Variants in PRICKLE1 observed in about 807,000 individuals in gnomAD.
The protein encoded by PRICKLE1 is prickle-like protein 1.
Under a neutral mutation model 70.2 loss-of-function variants are expected in PRICKLE1, and 14 were observed. The observed-to-expected ratio is 0.20, with a 90% CI of 0.13 to 0.31. The LOEUF (loss-of-function observed/expected upper bound fraction) is 0.31. Ranked by LOEUF, PRICKLE1 falls within the 10% of genes least tolerant of loss-of-function variation. PRICKLE1 has a pLI of 1.00. For missense variants in PRICKLE1, 821 were observed against 1,026.2 expected (o/e 0.80, Z 2.73); for synonymous variants, 357 against 379.9 (o/e 0.94, Z 0.70).
chr12:42,514,096 A>G (rs551896904), intron 1 of PRICKLE1, among the ~76,000 whole-genome samples: 1 of 152,350 alleles, frequency 6.6e-6, no homozygotes, highest in South Asian at 2.1e-4. Context: ...AATAGCCCCA[A>G]GACTATAACC....
chr12:42,475,364 C>T (rs1360304955), intron 1 of PRICKLE1, among the ~76,000 whole-genome samples: 2 of 152,178 alleles, frequency 1.3e-5, no homozygotes, highest in South Asian at 2.1e-4. Context: ...CATCAAGCAA[C>T]CCACGGTAAG....
rs539350659 is a variant in PRICKLE1, at chr12:42,544,247, T to A, written c.-49+45218A>T. Among the ~76,000 whole-genome samples the A allele has an allele frequency of 4.9e-4, 74 of 152,374 alleles. No homozygotes were observed. In the South Asian group the frequency reaches 0.014, roughly 29 times the overall value. ...ACGAGTGATCACTTGATTATGTTGG[T>A]CAGCACCAGATTTTTCCATTAGGAA... is the stretch of plus-strand genomic sequence containing the variant. On this transcript the variant is annotated intron_variant, in intron 1 of 7. Coordinates refer to ENST00000345127, the MANE Select transcript of PRICKLE1 (RefSeq NM_153026.3).
rs146109055 is a variant in PRICKLE1, at chr12:42,480,845, T to C, written c.-48-8281A>G. ...GAATTACACATTTCAGGCAGAAAAC[T>C]GTGGGCTTATCACTACAGGCAATGG... On this transcript the variant is annotated intron_variant, in intron 1 of 7. Coordinates refer to ENST00000345127, the MANE Select transcript of PRICKLE1 (RefSeq NM_153026.3). Among the ~76,000 whole-genome samples, 613 of 152,284 alleles carry C rather than the reference T, an allele frequency of 4.0e-3. 5 individuals carry two copies. The highest frequency in any genetic ancestry group is 0.013 in the African/African-American group (555 of 41,554).
intron 1 of PRICKLE1, among the ~76,000 whole-genome samples, chr12:42,551,959 T>G (rs548958757): frequency 6.6e-6 from 1 of 152,262 alleles, no homozygotes; most frequent in African/African-American, 2.4e-5. Flanking sequence ...TAACCTACAG[T>G]ATGGCATGGA....
At position 42,549,563 on chromosome 12, in the gene PRICKLE1, A is replaced by G. The variant is rs116449631; in HGVS notation, c.-49+39902T>C. ...GACTCAAAGGCACCACACATTCCCT[A>G]TCTCTAGAATGCACAAGCCTCCTCC... On this transcript the variant is annotated intron_variant, in intron 1 of 7. Transcript: ENST00000345127. Among the ~76,000 whole-genome samples, 171 of 152,008 alleles carry G rather than the reference A, an allele frequency of 1.1e-3. 2 individuals carry two copies. Among genetic ancestry groups the G allele is most frequent in the African/African-American group, 3.9e-3 (162 of 41,460 alleles).
intron 1 of PRICKLE1, among the ~76,000 whole-genome samples, chr12:42,508,371 T>C (rs1318259512): frequency 6.6e-6 from 1 of 152,156 alleles, no homozygotes; most frequent in Non-Finnish European, 1.5e-5. Flanking sequence ...GGCCTGAACA[T>C]TATGTGCAAT....
intron 1 of PRICKLE1, among the ~76,000 whole-genome samples, chr12:42,557,952 T>A (rs925468287): frequency 6.6e-6 from 1 of 152,010 alleles, no homozygotes; most frequent in African/African-American, 2.4e-5. Context: ...CAGGCTAGAG[T>A]CATTAAAATT....
At chr12:42,479,950 A>G (rs995305279) in intron 1 of PRICKLE1, among the ~76,000 whole-genome samples, 5 of 151,512 alleles carry the variant, frequency 3.3e-5, no homozygotes, top group African/African-American at 4.9e-5. Context: ...GCGAAACTCC[A>G]TCTTAAAAAA....
In PRICKLE1 at chr12:42,459,361, A is replaced by T. The variant is rs571674666; in HGVS notation, c.*448T>A. ...GCCTCACAATAAGATGCACAGTGTT[A>T]GCTAGGTCATCGTGACAGGCATGCC... On this transcript the variant is annotated 3_prime_UTR_variant, in exon 8 of 8. Coordinates refer to ENST00000345127, the MANE Select transcript of PRICKLE1 (RefSeq NM_153026.3). 7 of 702,372 alleles carry T rather than the reference A, an allele frequency of 1.0e-5. No homozygotes were observed. The highest frequency in any genetic ancestry group is 1.8e-5 in the Non-Finnish European group (7 of 384,992). The allele number at this position is 702,372 out of a possible 1,614,324, so 43.5% of individuals were successfully genotyped here.
chr12:42,476,475 C>A (rs1157059059), intron 1 of PRICKLE1, among the ~76,000 whole-genome samples: 1 of 151,862 alleles, frequency 6.6e-6, no homozygotes, highest in Non-Finnish European at 1.5e-5. Context: ...AGCCACTGCA[C>A]CTGGCTAATT....
intron 1 of PRICKLE1, among the ~76,000 whole-genome samples, chr12:42,582,127 T>G (rs1940912219): frequency 6.6e-6 from 1 of 152,236 alleles, no homozygotes; most frequent in African/African-American, 2.4e-5. Context: ...GCTATTAGCC[T>G]GCCAAGCTGT....
intron 1 of PRICKLE1, among the ~76,000 whole-genome samples, chr12:42,549,119 C>CAAAA (rs34355848): frequency 1.1e-4 from 6 of 53,960 alleles, no homozygotes; most frequent in African/African-American, 9.4e-5. Flanking sequence ...ACCCTGTCTC[C>CAAAA]AAAAAAAAAA....
chr12:42,566,496 G>A (rs1940623125), intron 1 of PRICKLE1, among the ~76,000 whole-genome samples: 1 of 152,156 alleles, frequency 6.6e-6, no homozygotes, highest in Admixed American at 6.5e-5. Flanking sequence ...GACCAGACCT[G>A]CGTAAGAACA....
intron 1 of PRICKLE1, among the ~76,000 whole-genome samples, chr12:42,517,200 C>A (rs868324603): frequency 1.3e-5 from 2 of 151,896 alleles, no homozygotes; most frequent in Middle Eastern, 3.4e-3. Context: ...TCTTCTTTCC[C>A]ATTTTATTCA....
intron 1 of PRICKLE1, among the ~76,000 whole-genome samples, chr12:42,497,581 C>T (rs1373196336): frequency 6.6e-6 from 1 of 151,108 alleles, no homozygotes; most frequent in Non-Finnish European, 1.5e-5. Flanking sequence ...ATTAAATTTG[C>T]CATCTTATAT....
At chr12:42,506,250 TCTTTC>T (rs1160481164) in intron 1 of PRICKLE1, among the ~76,000 whole-genome samples, 1,173 of 81,344 alleles carry the variant, frequency 0.014, 109 homozygotes, top group African/African-American at 0.026. Flanking sequence ...TGTTCTTTTT[TCTTTC>T]TTTCTTTTTT....
intron 1 of PRICKLE1, among the ~76,000 whole-genome samples, chr12:42,499,919 T>C (rs944531883): frequency 1.5e-4 from 23 of 151,502 alleles, no homozygotes; most frequent in African/African-American, 5.3e-4. Flanking sequence ...TATTCTTATT[T>C]TTATTTTTTT....
At chr12:42,502,573 A>C (rs1013088687) in intron 1 of PRICKLE1, among the ~76,000 whole-genome samples, 1 of 152,078 alleles carries the variant, frequency 6.6e-6, no homozygotes, top group Non-Finnish European at 1.5e-5. Flanking sequence ...GGCCTCTCAA[A>C]GTGTTGGGGT....
chr12:42,469,483 CAGA>C lies in PRICKLE1; in HGVS notation c.348_350del (p.Leu117del). 1 of 1,614,220 alleles carries C rather than the reference CAGA, an allele frequency of 6.2e-7. No homozygotes were observed. The highest frequency in any genetic ancestry group is 8.5e-7 in the Non-Finnish European group (1 of 1,180,042). On this transcript the variant is annotated inframe_deletion, in exon 4 of 8. Coordinates refer to ENST00000345127, the MANE Select transcript of PRICKLE1 (RefSeq NM_153026.3). ...ACACAGCATGCATGACTGCTCTGGA[CAGA>C]AGCTTAATTGTTCCTCTTCCCAGTG...
Sources: gnomAD v4.1 joint callset for allele counts (sites outside exome capture counted in the v4.1 genomes callset) on GRCh38, gnomAD v4.1.1 for gene constraint, MANE v1.5 for transcripts, NCBI Gene and HGNC (gene_info 2026-07-23, HGNC 2026-07-21) for gene names.